Variants in HNMT observed in about 807,000 individuals in gnomAD.
HNMT encodes histamine N-methyltransferase.
In HNMT, 30 loss-of-function variants were observed where a neutral mutation model predicts 32.1. The observed-to-expected ratio is 0.93, with a 90% CI of 0.70 to 1.27. The LOEUF (loss-of-function observed/expected upper bound fraction) is 1.27. HNMT is among the 50% of genes most tolerant of loss of function. The probability of loss-of-function intolerance (pLI) is 0.00; values close to 1 mark genes in which losing one functional copy is unlikely to be tolerated. For missense variants in HNMT, 327 were observed against 346.0 expected (o/e 0.95, Z 0.43); for synonymous variants, 125 against 119.0 (o/e 1.05, Z -0.33).
chr2:137,973,998 G>T (rs1431801345), intron 2 of HNMT, among the ~76,000 whole-genome samples: 1 of 151,898 alleles, frequency 6.6e-6, no homozygotes, highest in African/African-American at 2.4e-5. Context: ...AAAGGTAGAT[G>T]ACTCTGAGTC....
At chr2:137,979,178 T>C (rs1680404300) in intron 2 of HNMT, among the ~76,000 whole-genome samples, 1 of 148,430 alleles carries the variant, frequency 6.7e-6, no homozygotes, top group Admixed American at 6.8e-5. Flanking sequence ...AAATTATATA[T>C]TCACATATAA....
intron 2 of HNMT, among the ~76,000 whole-genome samples, chr2:137,972,278 G>A (rs1680161733): frequency 6.6e-6 from 1 of 151,884 alleles, no homozygotes; most frequent in African/African-American, 2.4e-5. Flanking sequence ...TCTAATTTTT[G>A]TATTTTTTAG....
At chr2:137,985,571 AGTCT>A (rs1381820631) in intron 2 of HNMT, among the ~76,000 whole-genome samples, 2 of 152,170 alleles carry the variant, frequency 1.3e-5, no homozygotes, top group Non-Finnish European at 2.9e-5. Flanking sequence ...GCAGTCTGTG[AGTCT>A]GTCTATGCAT....
chr2:138,002,124 C>A lies in HNMT; in HGVS notation c.359C>A (p.Ser120Ter). The A allele has an allele frequency of 1.9e-6, 3 of 1,602,536 alleles. No individual in the cohort carries two copies. Among genetic ancestry groups the A allele is most frequent in the Non-Finnish European group, 2.6e-6 (3 of 1,173,062 alleles). ...NVKFAWHKET[S>*]SEYQSRMLEK... ...AAGTTTGCTTGGCATAAGGAGACAT[C>A]ATCTGAATACCAAAGTAGAATGTTG... is the stretch of plus-strand genomic sequence containing the variant. Residue 120 changes from serine (S) to a stop codon, truncating the protein, a stop_gained, in exon 4 of 6, where the codon TCA (serine) becomes TAA (stop). Transcript: ENST00000280097. LOFTEE classifies it high-confidence loss of function.
intron 2 of HNMT, among the ~76,000 whole-genome samples, chr2:137,999,073 A>G (rs1217863083): frequency 6.6e-6 from 1 of 152,150 alleles, no homozygotes. Flanking sequence ...TCTACTTCTT[A>G]GTTGAATGAG....
At chr2:138,002,779 A>G in intron 4 of HNMT, 2 of 972,882 alleles carry the variant, frequency 2.1e-6, no homozygotes, top group Non-Finnish European at 2.4e-6. Context: ...GGATGTTTAT[A>G]TAGAGATTTG....
intron 3 of HNMT, 45 bp from the exon 4 acceptor site, chr2:138,002,019 T>G (rs1681188200): frequency 4.9e-6 from 7 of 1,428,824 alleles, no homozygotes; most frequent in Non-Finnish European, 6.5e-6. Context: ...GTTTCCACAT[T>G]TGCAATTAAA....
At chr2:138,003,727 C>T (rs1198086982) in intron 4 of HNMT, among the ~76,000 whole-genome samples, 1 of 152,070 alleles carries the variant, frequency 6.6e-6, no homozygotes, top group African/African-American at 2.4e-5. Context: ...AAAATAGAAA[C>T]TGCCAGATAC....
intron 4 of HNMT, among the ~76,000 whole-genome samples, chr2:138,003,864 TTC>T (rs1245189938): frequency 6.6e-6 from 1 of 152,078 alleles, no homozygotes; most frequent in African/African-American, 2.4e-5. Flanking sequence ...TCCCATTCTT[TTC>T]TCTGTTATAA....
chr2:137,967,262 G>A, intron 1 of HNMT: 2 of 617,212 alleles, frequency 3.2e-6, no homozygotes, highest in Middle Eastern at 4.3e-4. Flanking sequence ...AAGTGAAAAA[G>A]TTAGCTGAAC....
chr2:138,009,347 TAGAG>T (rs1036333360), intron 5 of HNMT, among the ~76,000 whole-genome samples: 1 of 152,012 alleles, frequency 6.6e-6, no homozygotes, highest in East Asian at 1.9e-4. Context: ...GGCAATTTCT[TAGAG>T]AGCTAAAAGC....
chr2:137,985,810 T>A (rs1374013308), intron 2 of HNMT, among the ~76,000 whole-genome samples: 1 of 151,980 alleles, frequency 6.6e-6, no homozygotes, highest in African/African-American at 2.4e-5. Flanking sequence ...CCTTTTAAAA[T>A]CAAATACACG....
intron 2 of HNMT, among the ~76,000 whole-genome samples, chr2:137,978,092 AT>A (rs1425769638): frequency 6.6e-6 from 1 of 152,036 alleles, no homozygotes; most frequent in African/African-American, 2.4e-5. Context: ...GTTTTTAAAA[AT>A]ATCATCAGAG....
chr2:137,968,062 G>A (rs1236598155), intron 1 of HNMT, among the ~76,000 whole-genome samples: 1 of 152,128 alleles, frequency 6.6e-6, no homozygotes, highest in Non-Finnish European at 1.5e-5. Flanking sequence ...GCTCTTTCCT[G>A]GGAGATCCTC....
Position 138,002,199 on chromosome 2 carries a change from GA to G in HNMT, c.429+8del, listed in dbSNP as rs1681194745. On this transcript the variant is annotated splice_donor_region_variant and intron_variant, in intron 4 of 5. Coordinates refer to ENST00000280097, the MANE Select transcript of HNMT (RefSeq NM_006895.3). Reference sequence around the variant, plus strand: ...GACTTTATTCATATGATTCAAGTAAGAAATATGTATTATAATATATACTCAG... The same window carrying G: ...GACTTTATTCATATGATTCAAGTAAGAATATGTATTATAATATATACTCAG... 6.6e-7 allele frequency: 1 copy of G among 1,523,890 alleles called. No homozygotes were observed. Among genetic ancestry groups the G allele is most frequent in the Non-Finnish European group, 9.0e-7 (1 of 1,112,348 alleles). The allele number at this position is 1,523,890 out of a possible 1,614,324, so 94.4% of individuals were successfully genotyped here.
At chr2:137,993,675 A>T (rs1218027793) in intron 2 of HNMT, among the ~76,000 whole-genome samples, 1 of 152,170 alleles carries the variant, frequency 6.6e-6, no homozygotes, top group East Asian at 1.9e-4. Context: ...AAAAACAGAG[A>T]ACATCATTAA....
At chr2:138,005,456 T>C (rs1681304260) in intron 5 of HNMT, among the ~76,000 whole-genome samples, 1 of 152,094 alleles carries the variant, frequency 6.6e-6, no homozygotes. Flanking sequence ...TTTGGGAAAA[T>C]ATGTCTTTGT....
intron 2 of HNMT, among the ~76,000 whole-genome samples, chr2:137,976,556 A>T (rs1010496104): frequency 1.3e-5 from 2 of 152,158 alleles, no homozygotes; most frequent in Non-Finnish European, 2.9e-5. Context: ...CGGTATTCTA[A>T]TGGGGTTTCT....
At chr2:137,986,337 A>G (rs1680651269) in intron 2 of HNMT, among the ~76,000 whole-genome samples, 1 of 152,082 alleles carries the variant, frequency 6.6e-6, no homozygotes, top group Non-Finnish European at 1.5e-5. Context: ...AAGTCCCAAG[A>G]TCTGCAGTCG....
Sources: allele counts gnomAD v4.1 joint callset (sites outside exome capture counted in the v4.1 genomes callset), GRCh38; gene constraint gnomAD v4.1.1; transcripts MANE v1.5; gene names NCBI Gene and HGNC (gene_info 2026-07-23, HGNC 2026-07-21).